AKR1C3: variants seen among roughly 807,000 people sequenced by gnomAD.
AKR1C3 encodes aldo-keto reductase family 1 member C3, also known as 3-alpha hydroxysteroid dehydrogenase, type II.
In AKR1C3, 48 loss-of-function variants were observed where a neutral mutation model predicts 43.6. The observed-to-expected ratio is 1.10, with a 90% CI of 0.87 to 1.40. The LOEUF (loss-of-function observed/expected upper bound fraction) is 1.40, where lower values mean the gene tolerates loss of function less well. Ranked by LOEUF, AKR1C3 falls within the 40% of genes most tolerant of loss-of-function variation. The pLI, the probability that AKR1C3 is intolerant of heterozygous loss-of-function variation, is 0.00. For missense variants in AKR1C3, 482 were observed against 391.2 expected, an observed-to-expected ratio of 1.23 and a Z score of -1.96; for synonymous variants, 162 against 139.6, an observed-to-expected ratio of 1.16 and a Z score of -1.13.
upstream of AKR1C3, chr10:5,094,303 G>A: frequency 2.5e-6 from 2 of 806,052 alleles, 1 homozygote; most frequent in South Asian, 2.8e-5. Context: ...ATATAAGACT[G>A]CCTATGTACC....
chr10:5,098,132 TA>T, intron 3 of AKR1C3: 5 of 986,474 alleles, frequency 5.1e-6, no homozygotes, highest in Non-Finnish European at 6.0e-6. Flanking sequence ...CTACTCAGGC[TA>T]GTTAATGCAA....
At chr10:5,084,079 T>G (rs868910400) in intron 1 of AKR1C3, among the ~76,000 whole-genome samples, 8 of 152,352 alleles carry the variant, frequency 5.3e-5, no homozygotes, top group Middle Eastern at 3.4e-3. Flanking sequence ...CTCTTTAGTT[T>G]AATTAGGTCC....
chr10:5,088,210 TTTTA>T (rs1275179181), intron 1 of AKR1C3, among the ~76,000 whole-genome samples: 1 of 152,194 alleles, frequency 6.6e-6, no homozygotes, highest in Non-Finnish European at 1.5e-5. Flanking sequence ...GAGTTTTTAA[TTTTA>T]TTGAGACTTG....
chr10:5,063,765 CAAAAAAAA>C lies in AKR1C3; in HGVS notation c.84+14887_84+14894del, dbSNP rs71391987. Among the ~76,000 whole-genome samples the C allele has an allele frequency of 2.2e-4, 10 of 46,426 alleles. 1 individual carries two copies. Among genetic ancestry groups the C allele is most frequent in the Admixed American group, 7.8e-4 (2 of 2,550 alleles). The allele number at this position is 46,426 out of a possible 152,430, so 30.5% of individuals were successfully genotyped here. ...AGGACAGAGGTAGTCTCTGTCTCAG[CAAAAAAAA>C]AAAAAAAAAAAAAAAAGGAAAATGG... is the stretch of plus-strand genomic sequence containing the variant. On this transcript the variant is annotated intron_variant, in intron 1 of 8. Transcript: ENST00000439082.
chr10:5,096,382 C>G, intron 1 of AKR1C3, 28 bp from the exon 2 acceptor site: 1 of 1,606,756 alleles, frequency 6.2e-7, no homozygotes, highest in Non-Finnish European at 8.5e-7. Flanking sequence ...CAGTGATCAC[C>G]AGATACTACC....
chr10:5,090,344 C>G (rs1554783985), upstream of AKR1C3, among the ~76,000 whole-genome samples: 1 of 152,114 alleles, frequency 6.6e-6, no homozygotes, highest in Admixed American at 6.6e-5. Flanking sequence ...GGAAACTGCA[C>G]TGATCCACAA....
intron 1 of AKR1C3, among the ~76,000 whole-genome samples, chr10:5,060,690 C>A (rs568640971): frequency 1.4e-4 from 21 of 152,352 alleles, no homozygotes; most frequent in African/African-American, 4.3e-4. Flanking sequence ...TGTGCCCGCA[C>A]TCCTCAGCCC....
intron 5 of AKR1C3, 50 bp downstream of exon 5, chr10:5,099,499 C>A: frequency 6.2e-7 from 1 of 1,612,622 alleles, no homozygotes; most frequent in Non-Finnish European, 8.5e-7. Flanking sequence ...CCCCCTCTTC[C>A]TGTCCTATTG....
chr10:5,100,215 A>G (rs1301094719), intron 5 of AKR1C3, among the ~76,000 whole-genome samples: 1 of 152,060 alleles, frequency 6.6e-6, no homozygotes, highest in Non-Finnish European at 1.5e-5. Flanking sequence ...AATCGCTTGA[A>G]CCCAGGAGGC....
At chr10:5,107,403 T>C in intron 8 of AKR1C3, 58 bp from the exon 9 acceptor site, 1 of 1,221,852 alleles carries the variant, frequency 8.2e-7, no homozygotes, top group East Asian at 2.4e-5. Flanking sequence ...GAAATCACTT[T>C]ACTACTCCCC....
chr10:5,066,426 C>T (rs191456758), intron 1 of AKR1C3, among the ~76,000 whole-genome samples: 1 of 152,336 alleles, frequency 6.6e-6, no homozygotes, highest in East Asian at 1.9e-4. Context: ...CCCATCTCAG[C>T]ATGTCATTGA....
chr10:5,079,257 G>A (rs1423087555), intron 1 of AKR1C3, among the ~76,000 whole-genome samples: 2 of 152,138 alleles, frequency 1.3e-5, no homozygotes, highest in Non-Finnish European at 2.9e-5. Context: ...AGCTCATGGT[G>A]CACTCTTAGC....
intron 1 of AKR1C3, among the ~76,000 whole-genome samples, chr10:5,072,596 C>G (rs1434480064): frequency 6.6e-6 from 1 of 152,110 alleles, no homozygotes; most frequent in Non-Finnish European, 1.5e-5. Context: ...ATGAAAATAT[C>G]AAGAAAGATA....
At chr10:5,079,309 C>G (rs1276795076) in intron 1 of AKR1C3, among the ~76,000 whole-genome samples, 1 of 152,048 alleles carries the variant, frequency 6.6e-6, no homozygotes, top group Non-Finnish European at 1.5e-5. Context: ...ACAAAATGTG[C>G]CACTCAAAAT....
intron 1 of AKR1C3, among the ~76,000 whole-genome samples, chr10:5,056,986 C>T (rs1838274939): frequency 6.6e-6 from 1 of 152,178 alleles, no homozygotes. Flanking sequence ...AGTCAATTTC[C>T]TGGTCCTGAA....
intron 7 of AKR1C3, chr10:5,105,387 A>G (rs17155732): frequency 0.24 from 100,421 of 415,592 alleles, 12,947 homozygotes; most frequent in Middle Eastern, 0.38. Flanking sequence ...GCAGAGTTGC[A>G]CAGTTTCAAT....
chr10:5,077,971 A>G, intron 1 of AKR1C3: 1 of 680,346 alleles, frequency 1.5e-6, no homozygotes, highest in Non-Finnish European at 2.6e-6. Flanking sequence ...GGATGCAAAT[A>G]TCACAGGTAA....
chr10:5,063,905 G>A (rs1242895483), intron 1 of AKR1C3, among the ~76,000 whole-genome samples: 2 of 151,676 alleles, frequency 1.3e-5, no homozygotes, highest in East Asian at 1.9e-4. Context: ...GTGGGGACAT[G>A]AAAGCATGAA....
intron 1 of AKR1C3, among the ~76,000 whole-genome samples, chr10:5,087,676 C>A (rs1839000778): frequency 6.6e-6 from 1 of 151,826 alleles, no homozygotes; most frequent in Admixed American, 6.6e-5. Flanking sequence ...TCCAGCCTCA[C>A]CTTTATCTTT....
Sources: gnomAD v4.1 joint callset for allele counts (sites outside exome capture counted in the v4.1 genomes callset) on GRCh38, gnomAD v4.1.1 for gene constraint, MANE v1.5 for transcripts, NCBI Gene and HGNC (gene_info 2026-07-23, HGNC 2026-07-21) for gene names.